Variants in ATXN2 observed in about 807,000 individuals in gnomAD.
The protein encoded by ATXN2 is ataxin 2.
ATXN2 carries 37 observed loss-of-function variants against 138.6 expected under a neutral mutation model. The observed-to-expected ratio is 0.27, with a 90% CI of 0.21 to 0.35. The LOEUF (loss-of-function observed/expected upper bound fraction) is 0.35. Among genes scored for constraint, ATXN2 ranks in the 10% least tolerant of loss-of-function variants. The probability of loss-of-function intolerance (pLI) is 1.00; values close to 1 mark genes in which losing one functional copy is unlikely to be tolerated. For missense variants in ATXN2, 1,216 were observed against 1,480.3 expected (o/e 0.82, Z 2.93); for synonymous variants, 549 against 543.7 (o/e 1.01, Z -0.13).
chr12:111,578,679 G>A lies in ATXN2; in HGVS notation c.251+20105C>T, dbSNP rs1883818754. 2.6e-5 allele frequency among the ~76,000 whole-genome samples: 4 copies of A among 152,196 alleles called. No individual in the cohort carries two copies. In the South Asian group the frequency reaches 8.3e-4, roughly 32 times the overall value. ...AACATAGTTTCTCATCACCAAAGAT[G>A]GTATGAATGTCAAATAAACACATGA... On this transcript the variant is annotated intron_variant, in intron 1 of 24. Transcript: ENST00000673436.
At chr12:111,565,610 T>C (rs1344075635) in intron 1 of ATXN2, among the ~76,000 whole-genome samples, 2 of 152,148 alleles carry the variant, frequency 1.3e-5, no homozygotes, top group Non-Finnish European at 2.9e-5. Context: ...TTAATAAATG[T>C]TGTGTGTTAT....
chr12:111,495,308 C>CAAAAA (rs374203441), intron 14 of ATXN2, among the ~76,000 whole-genome samples: 1 of 60,380 alleles, frequency 1.7e-5, no homozygotes, highest in African/African-American at 5.0e-5. Context: ...AACTCTGTCT[C>CAAAAA]AAAAAAAAAA....
At chr12:111,586,409 T>G (rs1884340868) in intron 1 of ATXN2, among the ~76,000 whole-genome samples, 2 of 145,606 alleles carry the variant, frequency 1.4e-5, no homozygotes, top group African/African-American at 5.1e-5. Context: ...TTTTTTTTTT[T>G]TTTAGACGGA....
chr12:111,453,614 T>C lies in ATXN2; in HGVS notation c.3439+63A>G, dbSNP rs1874841740. 5 of 1,476,296 alleles carry C rather than the reference T, an allele frequency of 3.4e-6. No individual in the cohort carries two copies. Among genetic ancestry groups the C allele is most frequent in the Non-Finnish European group, 4.5e-6 (5 of 1,109,562 alleles). 91.4% of individuals were successfully genotyped at this position (1,476,296 alleles called of 1,614,324 possible). A position where few individuals can be genotyped will look rare whatever the true frequency, so the allele number is the denominator to read the frequency against. ...CTTGAAGCACTGGCCCTGCCTGCCA[T>C]TCCACCTGTGCGAGCAGAATGCTTT... On this transcript the variant is annotated intron_variant, in intron 24 of 24. Transcript: ENST00000673436. This position sits in a 1 kb window ranked among gnomAD's most constrained non-coding sequence, Gnocchi z 5.4.
intron 18 of ATXN2, among the ~76,000 whole-genome samples, chr12:111,478,526 T>C (rs1314997023): frequency 6.6e-6 from 1 of 151,964 alleles, no homozygotes; most frequent in Non-Finnish European, 1.5e-5. Flanking sequence ...ATCAGAGAAA[T>C]GTACATTTAA....
chr12:111,584,900 C>T (rs1020104387), intron 1 of ATXN2, among the ~76,000 whole-genome samples: 3 of 151,998 alleles, frequency 2.0e-5, no homozygotes, highest in Non-Finnish European at 4.4e-5. Flanking sequence ...ACCCGGGAGG[C>T]AGATCGGGCC....
At chr12:111,472,530 G>GA (rs908595078) in intron 18 of ATXN2, among the ~76,000 whole-genome samples, 4 of 151,936 alleles carry the variant, frequency 2.6e-5, no homozygotes, top group South Asian at 2.1e-4. Context: ...GGCATACACT[G>GA]AAAAAAATGT....
chr12:111,547,836 ATTTTTTT>A (rs34988312), intron 5 of ATXN2, among the ~76,000 whole-genome samples: 2 of 100,224 alleles, frequency 2.0e-5, no homozygotes, highest in Admixed American at 1.0e-4. Context: ...TTGCTTGAGA[ATTTTTTT>A]TTTTTTTTTT....
intron 14 of ATXN2, among the ~76,000 whole-genome samples, chr12:111,496,770 T>C (rs1878442969): frequency 6.6e-6 from 1 of 151,896 alleles, no homozygotes; most frequent in Non-Finnish European, 1.5e-5. Context: ...CAGCAGTAAG[T>C]GCCTACATCA....
chr12:111,530,562 C>T (rs189310848), intron 5 of ATXN2, among the ~76,000 whole-genome samples: 35 of 152,342 alleles, frequency 2.3e-4, no homozygotes, highest in African/African-American at 8.2e-4. Context: ...CGCCTGTAAT[C>T]TCAGCATTTT....
chr12:111,482,979 G>A (rs1877356138), intron 18 of ATXN2: 2 of 152,244 alleles, frequency 1.3e-5, no homozygotes, highest in African/African-American at 2.4e-5. Context: ...CTTGAGCCCA[G>A]GAGTTTGAGA....
Position 111,471,058 on chromosome 12 carries a change from C to T in ATXN2, c.2525-316G>A, listed in dbSNP as rs77260868. ...ATCAAGTCCCTGTAACAGACTCTCA[C>T]AGCATTATGAAATCGCTTCTCATAT... On this transcript the variant is annotated intron_variant, in intron 18 of 24. Transcript: ENST00000673436. 424 of 266,920 alleles carry T rather than the reference C, an allele frequency of 1.6e-3. 1 individual carries two copies. The highest frequency in any genetic ancestry group is 2.6e-3 in the Non-Finnish European group (356 of 136,146). The allele number at this position is 266,920 out of a possible 1,614,324, so 16.5% of individuals were successfully genotyped here.
In ATXN2 at chr12:111,456,079, GAGA is replaced by G; in HGVS notation, c.3217_3219del (p.Ser1073del). ...GGGTTGGTATACGCCGGCTGAACGT[GAGA>G]AGGATGGATCGTAAAGACAGTCTGT... On this transcript the variant is annotated inframe_deletion, in exon 23 of 25. Transcript: ENST00000673436. 1 of 1,614,224 alleles carries G rather than the reference GAGA, an allele frequency of 6.2e-7. No homozygotes were observed. Among genetic ancestry groups the G allele is most frequent in the South Asian group, 1.1e-5 (1 of 91,088 alleles).
intron 1 of ATXN2, among the ~76,000 whole-genome samples, chr12:111,586,145 T>A (rs902686881): frequency 6.6e-6 from 1 of 151,926 alleles, no homozygotes; most frequent in Non-Finnish European, 1.5e-5. Flanking sequence ...GCTCAGGTAA[T>A]CTGCCTGCTT....
intron 15 of ATXN2, among the ~76,000 whole-genome samples, 167 bp from the exon 16 acceptor site, chr12:111,486,991 C>G (rs1877687013): frequency 6.6e-6 from 1 of 152,134 alleles, no homozygotes; most frequent in African/African-American, 2.4e-5. Context: ...TTGCCCATTC[C>G]TTAATCCCTT....
At chr12:111,466,526 G>C (rs927507144) in intron 20 of ATXN2, among the ~76,000 whole-genome samples, 1 of 152,154 alleles carries the variant, frequency 6.6e-6, no homozygotes, top group African/African-American at 2.4e-5. Flanking sequence ...AAAGAGATAA[G>C]GTTTTTGACA....
intron 23 of ATXN2, chr12:111,454,909 G>A (rs532584125): frequency 8.4e-5 from 52 of 620,770 alleles, no homozygotes; most frequent in African/African-American, 8.3e-4. Flanking sequence ...ACCAAACCAC[G>A]CTGGCCCACA....
At chr12:111,500,657 A>G (rs1878707733) in intron 14 of ATXN2, among the ~76,000 whole-genome samples, 1 of 152,182 alleles carries the variant, frequency 6.6e-6, no homozygotes, top group African/African-American at 2.4e-5. Flanking sequence ...GCCGGATCAC[A>G]AGGTCAAGAG....
chr12:111,460,879 T>C (rs1235724834), intron 21 of ATXN2, among the ~76,000 whole-genome samples: 1 of 152,220 alleles, frequency 6.6e-6, no homozygotes, highest in Non-Finnish European at 1.5e-5. Flanking sequence ...TTTTCTAATC[T>C]ATAGCTAATT....
Sources: gnomAD v4.1 joint callset for allele counts (sites outside exome capture counted in the v4.1 genomes callset) on GRCh38, gnomAD v4.1.1 for gene constraint, Gnocchi (gnomAD v3.1) non-coding constraint, MANE v1.5 for transcripts, NCBI Gene and HGNC (gene_info 2026-07-23, HGNC 2026-07-21) for gene names.